POC5: variants seen among roughly 807,000 people sequenced by gnomAD.
POC5 encodes centrosomal protein POC5.
POC5 carries 48 observed loss-of-function variants against 62.9 expected under a neutral mutation model. The observed-to-expected ratio is 0.76, with a 90% CI of 0.61 to 0.97. The LOEUF (loss-of-function observed/expected upper bound fraction) is 0.97. Among genes scored for constraint, POC5 ranks in the 50% least tolerant of loss-of-function variants. The pLI, the probability that POC5 is intolerant of heterozygous loss-of-function variation, is 0.00. For synonymous variants in POC5, 236 were observed against 228.2 expected (o/e 1.03, Z -0.31); for missense variants, 696 against 679.5 (o/e 1.02, Z -0.27).
At chr5:75,683,237 T>C (rs935137314) in intron 10 of POC5, among the ~76,000 whole-genome samples, 1 of 49,730 alleles carries the variant, frequency 2.0e-5, no homozygotes, top group Non-Finnish European at 3.6e-5. Flanking sequence ...GTTAACAGTG[T>C]TGTTTTTTTT....
intron 3 of POC5, 21 bp from the exon 4 acceptor site, chr5:75,705,808 T>A: frequency 6.8e-7 from 1 of 1,461,042 alleles, no homozygotes; most frequent in African/African-American, 1.4e-5. Context: ...GAAAGCTTTT[T>A]AAAATTAAAC....
intron 10 of POC5, among the ~76,000 whole-genome samples, chr5:75,679,464 C>A (rs1775793829): frequency 6.6e-6 from 1 of 152,048 alleles, no homozygotes; most frequent in Non-Finnish European, 1.5e-5. Flanking sequence ...AGAGAGTGGG[C>A]TTCAGGAGAG....
intron 1 of POC5, among the ~76,000 whole-genome samples, chr5:75,713,484 C>T (rs1047399274): frequency 3.9e-5 from 6 of 152,238 alleles, no homozygotes; most frequent in Middle Eastern, 3.4e-3. Context: ...AGTGACTATT[C>T]GAACTATCTG....
At chr5:75,687,112 C>T (rs112487113) in intron 9 of POC5, among the ~76,000 whole-genome samples, 7,529 of 152,104 alleles carry the variant, frequency 0.049, 649 homozygotes, top group African/African-American at 0.17. Context: ...CTCACTGCAA[C>T]CTCTGCCTCC....
rs183123561 is a variant in POC5 at position 75,695,441 on chromosome 5, T to C, written c.514-610A>G. Among the ~76,000 whole-genome samples the C allele has an allele frequency of 3.9e-5, 6 of 152,292 alleles. No individual in the cohort carries two copies. In the East Asian group the frequency reaches 1.2e-3, roughly 29 times the overall value. ...TGGTGGTATAACACTCCAATTGACT[T>C]ACACTATTCTAAGTATGAAACCTGT... On this transcript the variant is annotated intron_variant, in intron 5 of 11. Transcript: ENST00000428202.
At chr5:75,696,617 G>A (rs1244892993) in intron 5 of POC5, among the ~76,000 whole-genome samples, 2 of 152,132 alleles carry the variant, frequency 1.3e-5, no homozygotes, top group African/African-American at 2.4e-5. Flanking sequence ...GGAAAAAACA[G>A]AGCAGAAAAA....
intron 5 of POC5, among the ~76,000 whole-genome samples, chr5:75,695,801 C>T (rs942672808): frequency 4.5e-4 from 68 of 152,110 alleles, no homozygotes; most frequent in Non-Finnish European, 6.5e-4. Flanking sequence ...TCTGAGGTAC[C>T]GGGTTCATCT....
chr5:75,686,176 G>A (rs568591662), intron 9 of POC5, among the ~76,000 whole-genome samples: 9 of 152,262 alleles, frequency 5.9e-5, no homozygotes, highest in African/African-American at 2.2e-4. Flanking sequence ...AGCCAATAAT[G>A]TCAAATTCCA....
intron 10 of POC5, among the ~76,000 whole-genome samples, chr5:75,682,682 A>AT (rs1032487896): frequency 1.3e-5 from 2 of 151,764 alleles, no homozygotes; most frequent in Middle Eastern, 3.4e-3. Flanking sequence ...CGCCCGGCTA[A>AT]TTTTTTTGTA....
chr5:75,689,028 T>G lies in POC5; in HGVS notation c.1113A>C (p.Gln371His). The G allele has an allele frequency of 6.4e-7, 1 of 1,568,066 alleles. No homozygotes were observed. Among genetic ancestry groups the G allele is most frequent in the Non-Finnish European group, 8.6e-7 (1 of 1,161,064 alleles). ...AATACTAACCTGCATCATTTCTGTT[T>G]TGAAATATAGTCATGGCTTCAAGAT... ...ALNLEAMTIF[Q>H]NRNDAGIDST... Residue 371 changes from glutamine (Q) to histidine (H), a missense_variant, in exon 9 of 12, where the codon CAA becomes CAC. Coordinates refer to ENST00000428202, the MANE Select transcript of POC5 (RefSeq NM_001099271.2).
At chr5:75,689,383 A>G (rs1356933512) in intron 8 of POC5, 17 of 985,076 alleles carry the variant, frequency 1.7e-5, no homozygotes, top group Non-Finnish European at 1.9e-5. Context: ...ATCAAGGTTC[A>G]AACAAGGGGA....
chr5:75,703,481 CTGGG>C (rs1561478832), intron 4 of POC5, among the ~76,000 whole-genome samples: 2 of 151,938 alleles, frequency 1.3e-5, no homozygotes, highest in Non-Finnish European at 1.5e-5. Flanking sequence ...CAAAAATTAG[CTGGG>C]TGTGGTGGCA....
intron 2 of POC5, among the ~76,000 whole-genome samples, chr5:75,709,918 AC>A (rs1777274031): frequency 6.6e-6 from 1 of 152,226 alleles, no homozygotes; most frequent in Non-Finnish European, 1.5e-5. Context: ...GCAAATGGCC[AC>A]CCAGCTACAT....
chr5:75,698,518 C>A lies in POC5; in HGVS notation c.514-3687G>T, dbSNP rs534016615. Among the ~76,000 whole-genome samples the A allele has an allele frequency of 2.0e-4, 30 of 152,028 alleles. No individual in the cohort carries two copies. The East Asian group carries it at 3.5e-3, about 18-fold the overall frequency. On this transcript the variant is annotated intron_variant, in intron 5 of 11. Transcript: ENST00000428202. ...GAAATAAAGATGTTCTTTGAAACCA[C>A]CGAGAACAAAGACACATCATACCAG...
chr5:75,690,999 C>T (rs1299211950), intron 7 of POC5, among the ~76,000 whole-genome samples: 3 of 152,136 alleles, frequency 2.0e-5, no homozygotes, highest in African/African-American at 7.2e-5. Context: ...TTGATGGCCA[C>T]CACAAGCAAG....
chr5:75,686,911 T>G (rs1253572892), intron 9 of POC5, among the ~76,000 whole-genome samples: 2 of 152,182 alleles, frequency 1.3e-5, no homozygotes, highest in Non-Finnish European at 2.9e-5. Context: ...CTGCACAACA[T>G]GAGAGGTACT....
intron 2 of POC5, among the ~76,000 whole-genome samples, chr5:75,708,699 C>T (rs370154211): frequency 2.0e-5 from 3 of 152,006 alleles, no homozygotes; most frequent in African/African-American, 4.8e-5. Context: ...TTTTTTATAT[C>T]GGAATTTTAA....
intron 5 of POC5, among the ~76,000 whole-genome samples, chr5:75,702,210 C>T (rs1256700677): frequency 6.6e-6 from 1 of 152,046 alleles, no homozygotes; most frequent in Non-Finnish European, 1.5e-5. Flanking sequence ...ATACCTAATG[C>T]ATGTGGGGCT....
intron 5 of POC5, among the ~76,000 whole-genome samples, chr5:75,700,184 C>T (rs10075999): frequency 0.062 from 9,460 of 151,760 alleles, 479 homozygotes; most frequent in East Asian, 0.29. Context: ...CATCAAGCTA[C>T]CAATGACTTT....
Sources: allele counts gnomAD v4.1 joint callset (sites outside exome capture counted in the v4.1 genomes callset), GRCh38; gene constraint gnomAD v4.1.1; transcripts MANE v1.5; gene names NCBI Gene and HGNC (gene_info 2026-07-23, HGNC 2026-07-21).